Variants in LRRC4C observed in about 807,000 individuals in gnomAD.
The protein encoded by LRRC4C is leucine-rich repeat-containing protein 4C.
In LRRC4C, 5 loss-of-function variants were observed where a neutral mutation model predicts 33.6. That is an observed-to-expected ratio of 0.15 (90% CI 0.08 to 0.31). The LOEUF (loss-of-function observed/expected upper bound fraction) is 0.31. LRRC4C is among the 10% of genes least tolerant of loss of function. LRRC4C has a pLI of 1.00. For synonymous variants in LRRC4C, 329 were observed against 302.0 expected, an observed-to-expected ratio of 1.09 and a Z score of -0.93; for missense variants, 560 against 796.7, an observed-to-expected ratio of 0.70 and a Z score of 3.58.
At chr11:41,180,065 G>A (rs943546550) in intron 1 of LRRC4C, among the ~76,000 whole-genome samples, 19 of 152,152 alleles carry the variant, frequency 1.2e-4, no homozygotes, top group Admixed American at 7.2e-4. Context: ...AAGTGATATG[G>A]AAGGGAAAAT....
intron 1 of LRRC4C, among the ~76,000 whole-genome samples, chr11:41,009,833 T>C (rs984269603): frequency 8.5e-5 from 13 of 152,164 alleles, no homozygotes; most frequent in Non-Finnish European, 4.4e-5. Flanking sequence ...TATGTTGAAG[T>C]AGTCCTAATC....
At chr11:40,211,784 A>T (rs1863622670) in intron 5 of LRRC4C, among the ~76,000 whole-genome samples, 1 of 152,186 alleles carries the variant, frequency 6.6e-6, no homozygotes, top group Non-Finnish European at 1.5e-5. Context: ...TAGAGATAAC[A>T]TCATAATGTG....
At chr11:41,205,275 A>G (rs1470572619) in intron 1 of LRRC4C, among the ~76,000 whole-genome samples, 6 of 152,196 alleles carry the variant, frequency 3.9e-5, no homozygotes, top group African/African-American at 1.4e-4. Flanking sequence ...TAGAAAACCA[A>G]TGAACATATT....
chr11:41,319,542 G>T (rs1245500667), intron 1 of LRRC4C, among the ~76,000 whole-genome samples: 1 of 152,182 alleles, frequency 6.6e-6, no homozygotes, highest in South Asian at 2.1e-4. Context: ...TTGTTTGTCT[G>T]TCTTTTTATT....
chr11:40,198,257 C>T (rs1196197069), intron 5 of LRRC4C, among the ~76,000 whole-genome samples: 3 of 152,184 alleles, frequency 2.0e-5, no homozygotes, highest in African/African-American at 7.2e-5. Flanking sequence ...CCATGTACTA[C>T]AACTGTGTAC....
At chr11:40,165,881 G>T (rs12365983) in intron 5 of LRRC4C, among the ~76,000 whole-genome samples, 14,336 of 152,148 alleles carry the variant, frequency 0.094, 776 homozygotes, top group South Asian at 0.16. Context: ...GGAGGCGGAG[G>T]TTGCAGTGAG....
chr11:40,546,407 T>A (rs905493305), intron 3 of LRRC4C, among the ~76,000 whole-genome samples: 7 of 152,086 alleles, frequency 4.6e-5, no homozygotes, highest in Non-Finnish European at 8.8e-5. Context: ...TTATTTAACC[T>A]CTGAAAGACA....
At chr11:41,364,495 C>T (rs1015903607) in intron 1 of LRRC4C, among the ~76,000 whole-genome samples, 7 of 152,112 alleles carry the variant, frequency 4.6e-5, no homozygotes, top group Admixed American at 3.3e-4. Context: ...AGGCTGGTCT[C>T]GAACTCCTGA....
At chr11:41,073,627 G>A (rs1037437971) in intron 1 of LRRC4C, among the ~76,000 whole-genome samples, 3 of 152,204 alleles carry the variant, frequency 2.0e-5, no homozygotes, top group Non-Finnish European at 4.4e-5. Flanking sequence ...TTTTTGCTAA[G>A]ATAGTTTAAG....
At chr11:41,109,040 A>G (rs1941675960) in intron 1 of LRRC4C, among the ~76,000 whole-genome samples, 1 of 152,072 alleles carries the variant, frequency 6.6e-6, no homozygotes, top group African/African-American at 2.4e-5. Context: ...TCCATTCTAT[A>G]TAGATAATTG....
At chr11:40,218,697 A>ATCTATCTG (rs1864175114) in intron 5 of LRRC4C, among the ~76,000 whole-genome samples, 1 of 78,746 alleles carries the variant, frequency 1.3e-5, no homozygotes, top group Non-Finnish European at 2.3e-5. Flanking sequence ...TAAAGAATCT[A>ATCTATCTG]TCTATCTATC....
At chr11:40,145,687 C>G (rs1857681003) in intron 5 of LRRC4C, among the ~76,000 whole-genome samples, 1 of 152,164 alleles carries the variant, frequency 6.6e-6, no homozygotes, top group Non-Finnish European at 1.5e-5. Flanking sequence ...ATACTGTTTT[C>G]TCTAATATAG....
chr11:41,251,794 T>A (rs78756198), intron 1 of LRRC4C, among the ~76,000 whole-genome samples: 1 of 152,200 alleles, frequency 6.6e-6, no homozygotes, highest in African/African-American at 2.4e-5. Context: ...CTTTACCATA[T>A]GATGATAAAG....
chr11:41,382,535 T>C (rs1295104517), intron 1 of LRRC4C, among the ~76,000 whole-genome samples: 21 of 152,084 alleles, frequency 1.4e-4, no homozygotes, highest in Admixed American at 1.4e-3. Context: ...AGGTTTTCAA[T>C]AAATATTTTT....
chr11:40,574,599 A>G (rs769641026), intron 3 of LRRC4C, among the ~76,000 whole-genome samples: 2 of 152,168 alleles, frequency 1.3e-5, no homozygotes, highest in African/African-American at 4.8e-5. Context: ...GTGTAATACA[A>G]TGTATTCAAA....
chr11:40,671,754 C>T (rs1171134272), intron 2 of LRRC4C, among the ~76,000 whole-genome samples: 10 of 151,136 alleles, frequency 6.6e-5, no homozygotes, highest in Non-Finnish European at 1.5e-4. Flanking sequence ...TAACCCTCAT[C>T]TTCATAATCC....
intron 1 of LRRC4C, among the ~76,000 whole-genome samples, chr11:41,411,736 C>G (rs1045094184): frequency 1.4e-4 from 21 of 152,264 alleles, no homozygotes; most frequent in African/African-American, 5.1e-4. Flanking sequence ...TGCACGTTCT[C>G]CTGCTGTCTG....
intron 1 of LRRC4C, among the ~76,000 whole-genome samples, chr11:41,443,089 A>ATTTTTTTTTTTTTTTTTTTTTTCTTCT: frequency 9.4e-6 from 1 of 105,994 alleles, no homozygotes; most frequent in Non-Finnish European, 1.8e-5. Context: ...TGTTTGCTTC[A>ATTTTTTTTTTTTTTTTTTTTTTCTTCT]TTTTTTTTTT....
chr11:41,109,463 C>A (rs1285109961), intron 1 of LRRC4C, among the ~76,000 whole-genome samples: 1 of 152,018 alleles, frequency 6.6e-6, no homozygotes, highest in South Asian at 2.1e-4. Context: ...AGAAACAAAG[C>A]CAGATATAAA....
Sources: allele counts gnomAD v4.1 joint callset (sites outside exome capture counted in the v4.1 genomes callset), GRCh38; gene constraint gnomAD v4.1.1; transcripts MANE v1.5; gene names NCBI Gene and HGNC (gene_info 2026-07-23, HGNC 2026-07-21).